The following TENM3 variants were observed in gnomAD, a reference collection of about 807,000 sequenced individuals.
The protein encoded by TENM3 is teneurin-3.
In TENM3, 63 loss-of-function variants were observed where a neutral mutation model predicts 255.1. The observed-to-expected ratio is 0.25, with a 90% CI of 0.20 to 0.30. The LOEUF is 0.30. Among genes scored for constraint, TENM3 ranks in the 10% least tolerant of loss-of-function variants. The probability of loss-of-function intolerance (pLI) is 1.00; values close to 1 mark genes in which losing one functional copy is unlikely to be tolerated. For missense variants in TENM3, 2,929 were observed against 3,461.1 expected, an observed-to-expected ratio of 0.85 and a Z score of 3.86; for synonymous variants, 1,306 against 1,322.3, an observed-to-expected ratio of 0.99 and a Z score of 0.27.
the TENM3 span, among the ~76,000 whole-genome samples, chr4:181,648,124 G>A: frequency 6.6e-6 from 1 of 152,172 alleles, no homozygotes; most frequent in Non-Finnish European, 1.5e-5. Context: ...GGAGCATGCA[G>A]CACTGGCCAT....
chr4:182,148,974 A>G (rs531669552), intron 1 of TENM3, among the ~76,000 whole-genome samples: 1 of 152,130 alleles, frequency 6.6e-6, no homozygotes, highest in East Asian at 1.9e-4. Flanking sequence ...GTATATCCAT[A>G]TATATCAATA....
chr4:182,597,723 C>T (rs1362716289), intron 3 of TENM3, among the ~76,000 whole-genome samples: 2 of 152,048 alleles, frequency 1.3e-5, no homozygotes, highest in Admixed American at 6.6e-5. Context: ...TGTACTTTAT[C>T]TTGTTACACT....
intron 3 of TENM3, among the ~76,000 whole-genome samples, chr4:182,527,838 C>T (rs1185515067): frequency 1.3e-5 from 2 of 152,130 alleles, no homozygotes; most frequent in African/African-American, 2.4e-5. Context: ...AGCAGATCTT[C>T]TGCCTCAGCC....
chr4:182,171,189 G>A lies in TENM3; in HGVS notation c.-76+26435G>A, dbSNP rs993760820. On this transcript the variant is annotated intron_variant, in intron 1 of 2. Coordinates refer to the TENM3 transcript ENST00000512480. ...TAACACAAAAATATATTAATACCAC[G>A]TAAGTAAATGTACATGAGCTTTTAA... Among the ~76,000 whole-genome samples, 4 of 151,956 alleles carry A rather than the reference G, an allele frequency of 2.6e-5. No individual in the cohort carries two copies. In the South Asian group the frequency reaches 6.2e-4, roughly 24 times the overall value.
the TENM3 span, among the ~76,000 whole-genome samples, chr4:181,454,106 T>G: frequency 2.4e-4 from 36 of 152,266 alleles, no homozygotes; most frequent in African/African-American, 8.4e-4. Flanking sequence ...ATAAGTAGGA[T>G]CTAATGGCAT....
chr4:181,731,746 C>T, the TENM3 span, among the ~76,000 whole-genome samples: 1 of 152,162 alleles, frequency 6.6e-6, no homozygotes, highest in Non-Finnish European at 1.5e-5. Flanking sequence ...TTAAAAGGAA[C>T]AACTGTTGTC....
At chr4:181,869,149 GTCATTATTAATCT>G in the TENM3 span, among the ~76,000 whole-genome samples, 1 of 151,852 alleles carries the variant, frequency 6.6e-6, no homozygotes, top group Non-Finnish European at 1.5e-5. Flanking sequence ...TACATTTAGT[GTCATTATTAATCT>G]GCAAATCACA....
At chr4:182,420,608 G>A (rs1770758488) in intron 3 of TENM3, among the ~76,000 whole-genome samples, 1 of 152,212 alleles carries the variant, frequency 6.6e-6, no homozygotes, top group Non-Finnish European at 1.5e-5. Context: ...AGTTGAAAGA[G>A]ATTATTAGGC....
the TENM3 span, among the ~76,000 whole-genome samples, chr4:181,818,902 CA>C: frequency 2.2e-4 from 33 of 152,130 alleles, no homozygotes; most frequent in Admixed American, 2.2e-3. Context: ...TGTGCCTGGC[CA>C]GTAAATCTCT....
At chr4:182,786,556 TAA>T (rs79660444) in intron 24 of TENM3, among the ~76,000 whole-genome samples, 52 of 71,032 alleles carry the variant, frequency 7.3e-4, no homozygotes, top group Admixed American at 1.0e-3. Context: ...GACCCCGTCT[TAA>T]AAAAAAAAAA....
At chr4:182,717,477 G>A (rs994392508) in intron 13 of TENM3, among the ~76,000 whole-genome samples, 3 of 152,252 alleles carry the variant, frequency 2.0e-5, no homozygotes, top group Non-Finnish European at 2.9e-5. Flanking sequence ...CGTAATAAGG[G>A]CCCTGACAAA....
At chr4:182,486,200 T>A (rs965672884) in intron 3 of TENM3, among the ~76,000 whole-genome samples, 3 of 152,054 alleles carry the variant, frequency 2.0e-5, no homozygotes, top group African/African-American at 7.2e-5. Context: ...CACTGGAAGA[T>A]TTTTAAGCAT....
chr4:181,904,733 G>A, the TENM3 span, among the ~76,000 whole-genome samples: 820 of 152,164 alleles, frequency 5.4e-3, 8 homozygotes, highest in African/African-American at 0.018. Flanking sequence ...CTGGAGAACC[G>A]TCTCTTTGTT....
chr4:182,522,486 C>T (rs190086106), intron 3 of TENM3, among the ~76,000 whole-genome samples: 1 of 152,318 alleles, frequency 6.6e-6, no homozygotes, highest in East Asian at 1.9e-4. Flanking sequence ...TGACCTCCAC[C>T]TCCATCCATG....
the TENM3 span, among the ~76,000 whole-genome samples, chr4:182,059,608 C>T: frequency 6.6e-6 from 1 of 151,632 alleles, no homozygotes; most frequent in South Asian, 2.1e-4. Flanking sequence ...TGTGGTATTT[C>T]CTTAAGAATA....
At chr4:182,685,751 A>T (rs937143564) in intron 11 of TENM3, among the ~76,000 whole-genome samples, 3 of 152,062 alleles carry the variant, frequency 2.0e-5, no homozygotes, top group Admixed American at 6.5e-5. Flanking sequence ...ACTGTCATTC[A>T]GATTTGCTTC....
intron 1 of TENM3, among the ~76,000 whole-genome samples, chr4:182,176,786 T>TGA (rs1561169581): frequency 6.6e-6 from 1 of 151,180 alleles, no homozygotes; most frequent in Admixed American, 6.6e-5. Flanking sequence ...CTTAGCCTCC[T>TGA]GAGTAGCTGG....
chr4:181,955,640 C>CT, the TENM3 span, among the ~76,000 whole-genome samples: 5 of 152,118 alleles, frequency 3.3e-5, no homozygotes, highest in Middle Eastern at 3.2e-3. Flanking sequence ...GGAAAGACTA[C>CT]TTGGGCACAG....
the TENM3 span, among the ~76,000 whole-genome samples, chr4:181,959,780 G>A: frequency 1.3e-5 from 2 of 152,184 alleles, no homozygotes; most frequent in Non-Finnish European, 2.9e-5. Context: ...GCCTTCAAAA[G>A]TAGAAATATA....
Sources: gnomAD v4.1 joint callset for allele counts (sites outside exome capture counted in the v4.1 genomes callset) on GRCh38, gnomAD v4.1.1 for gene constraint, MANE v1.5 for transcripts, NCBI Gene and HGNC (gene_info 2026-07-23, HGNC 2026-07-21) for gene names.